The following LDB2 variants were observed in gnomAD, a reference collection of about 807,000 sequenced individuals.
The protein encoded by LDB2 is LIM domain-binding protein 2.
In LDB2, 12 loss-of-function variants were observed where a neutral mutation model predicts 44.3. That is an observed-to-expected ratio of 0.27 (90% CI 0.17 to 0.44). LDB2 has a LOEUF of 0.44. Among genes scored for constraint, LDB2 ranks in the 20% least tolerant of loss-of-function variants. The probability of loss-of-function intolerance (pLI) is 1.00; values close to 1 mark genes in which losing one functional copy is unlikely to be tolerated. For missense variants in LDB2, 344 were observed against 473.5 expected, an observed-to-expected ratio of 0.73 and a Z score of 2.54; for synonymous variants, 164 against 174.8, an observed-to-expected ratio of 0.94 and a Z score of 0.49.
intron 2 of LDB2, among the ~76,000 whole-genome samples, chr4:16,709,671 G>A (rs997556641): frequency 2.6e-5 from 4 of 152,100 alleles, no homozygotes; most frequent in African/African-American, 7.2e-5. Flanking sequence ...TTTTGCCAAC[G>A]TAAAACATTT....
At chr4:16,817,628 T>A (rs1027736438) in intron 1 of LDB2, among the ~76,000 whole-genome samples, 2 of 152,222 alleles carry the variant, frequency 1.3e-5, no homozygotes, top group African/African-American at 4.8e-5. Context: ...TGTAGAATAA[T>A]AATAATTGCA....
chr4:16,667,682 G>A (rs1203210769), intron 2 of LDB2, among the ~76,000 whole-genome samples: 2 of 152,230 alleles, frequency 1.3e-5, no homozygotes, highest in South Asian at 4.1e-4. Flanking sequence ...GGGAGCAACC[G>A]CATAGACAGA....
chr4:16,563,757 C>A (rs112986605), intron 5 of LDB2, among the ~76,000 whole-genome samples: 32 of 152,002 alleles, frequency 2.1e-4, no homozygotes, highest in African/African-American at 7.7e-4. Flanking sequence ...CGTGCCCAGT[C>A]TCATCAGATA....
intron 3 of LDB2, among the ~76,000 whole-genome samples, chr4:16,595,489 A>C (rs1048492905): frequency 6.6e-6 from 1 of 151,980 alleles, no homozygotes; most frequent in African/African-American, 2.4e-5. Flanking sequence ...CTCCTCTTTG[A>C]TTTTCATGTG....
intron 5 of LDB2, among the ~76,000 whole-genome samples, chr4:16,571,081 G>C (rs1046688957): frequency 3.3e-5 from 5 of 152,180 alleles, no homozygotes; most frequent in African/African-American, 1.2e-4. Flanking sequence ...AGGGAGCACT[G>C]GAGCTTCAAG....
intron 5 of LDB2, 135 bp downstream of exon 5, chr4:16,585,787 A>G: frequency 6.4e-6 from 4 of 627,222 alleles, no homozygotes; most frequent in Non-Finnish European, 1.2e-5. Context: ...ACACACACAC[A>G]CATACATCTG....
chr4:16,720,239 T>G (rs1757965843), intron 2 of LDB2, among the ~76,000 whole-genome samples: 1 of 151,408 alleles, frequency 6.6e-6, no homozygotes, highest in Non-Finnish European at 1.5e-5. Context: ...AGAAAGATTA[T>G]CCTAGATAAT....
chr4:16,759,235 G>T lies in LDB2; in HGVS notation c.158C>A (p.Ala53Asp), dbSNP rs1279866684. Residue 53 changes from alanine to aspartate, a missense_variant, in exon 2 of 8, where the codon GCC becomes GAC. Physicochemically the swap from Ala to Asp is moderately radical, Grantham distance 126 (BLOSUM62 -2). This residue lies in a region of LDB2 where 226 missense variants were observed against 270.1 expected (regional missense o/e 0.84). Coordinates refer to ENST00000304523, the MANE Select transcript of LDB2 (RefSeq NM_001290.5). ...ATCTTCAAAAAATTCAGTGGCAAAGGCGTCCCACCAGAGGTTGTCACTATC... is the reference window on the plus strand; with the variant it reads ...ATCTTCAAAAAATTCAGTGGCAAAGTCGTCCCACCAGAGGTTGTCACTATC... ...TEDSDNLWWD[A>D]FATEFFEDDA... The T allele has an allele frequency of 1.2e-6, 2 of 1,613,710 alleles. No homozygotes were observed. Among genetic ancestry groups the T allele is most frequent in the East Asian group, 2.2e-5 (1 of 44,876 alleles).
chr4:16,634,294 G>GA, intron 2 of LDB2, among the ~76,000 whole-genome samples: 1 of 54,640 alleles, frequency 1.8e-5, no homozygotes, highest in South Asian at 9.6e-4. Flanking sequence ...CTTTTGCACG[G>GA]CCAAAAAAAA....
intron 2 of LDB2, among the ~76,000 whole-genome samples, chr4:16,662,741 G>T (rs1032801134): frequency 1.3e-5 from 2 of 151,908 alleles, no homozygotes; most frequent in Non-Finnish European, 2.9e-5. Context: ...CTTGCCTGTT[G>T]CCATGTAAGA....
chr4:16,885,195 A>G (rs978227625), intron 1 of LDB2, among the ~76,000 whole-genome samples: 1 of 150,962 alleles, frequency 6.6e-6, no homozygotes, highest in African/African-American at 2.4e-5. Context: ...AATTAGTCAA[A>G]TGTCGTGGTG....
intron 1 of LDB2, among the ~76,000 whole-genome samples, chr4:16,826,064 T>A (rs1269146714): frequency 6.6e-6 from 1 of 151,836 alleles, no homozygotes; most frequent in Non-Finnish European, 1.5e-5. Flanking sequence ...GTTATATATA[T>A]CTATCTAATC....
chr4:16,834,193 G>C (rs866266720), intron 1 of LDB2, among the ~76,000 whole-genome samples: 2 of 152,160 alleles, frequency 1.3e-5, no homozygotes, highest in South Asian at 4.1e-4. Flanking sequence ...CTAATGTCCA[G>C]GGCTTGCCTC....
chr4:16,849,902 C>A (rs985322586), intron 1 of LDB2, among the ~76,000 whole-genome samples: 1 of 152,156 alleles, frequency 6.6e-6, no homozygotes, highest in Non-Finnish European at 1.5e-5. Context: ...CATCTGGTAG[C>A]CTTTTGCATA....
intron 1 of LDB2, among the ~76,000 whole-genome samples, chr4:16,886,835 A>G (rs1721829263): frequency 6.6e-6 from 1 of 151,918 alleles, no homozygotes; most frequent in South Asian, 2.1e-4. Context: ...GATCAAGACC[A>G]TCCTGGCTAA....
intron 1 of LDB2, among the ~76,000 whole-genome samples, chr4:16,803,427 T>C (rs1778219350): frequency 6.6e-6 from 1 of 152,162 alleles, no homozygotes; most frequent in African/African-American, 2.4e-5. Flanking sequence ...CAAGTATAAA[T>C]TTATATCATT....
intron 2 of LDB2, among the ~76,000 whole-genome samples, chr4:16,667,527 C>A (rs191970217): frequency 7.9e-5 from 12 of 152,252 alleles, no homozygotes; most frequent in African/African-American, 2.6e-4. Context: ...TTGTTTCCAC[C>A]CACTGCAAAA....
chr4:16,795,700 T>C (rs1327065955), intron 1 of LDB2, among the ~76,000 whole-genome samples: 1 of 152,148 alleles, frequency 6.6e-6, no homozygotes, highest in East Asian at 1.9e-4. Context: ...AATTTGTTTG[T>C]CTTTCACTAG....
At chr4:16,550,407 C>T (rs769176109) in intron 5 of LDB2, among the ~76,000 whole-genome samples, 1 of 152,118 alleles carries the variant, frequency 6.6e-6, no homozygotes, top group Non-Finnish European at 1.5e-5. Flanking sequence ...ATTCCCAGTA[C>T]CTAAAATGAT....
Sources: gnomAD v4.1 joint callset for allele counts (sites outside exome capture counted in the v4.1 genomes callset) on GRCh38, gnomAD v4.1.1 for gene constraint, gnomAD v4.1.1 regional missense constraint, MANE v1.5 for transcripts, NCBI Gene and HGNC (gene_info 2026-07-23, HGNC 2026-07-21) for gene names.